The following RPTOR variants were observed in gnomAD, a reference collection of about 807,000 sequenced individuals.
RPTOR encodes regulatory associated protein of MTOR complex 1, also known as regulatory-associated protein of mTOR.
In RPTOR, 21 loss-of-function variants were observed where a neutral mutation model predicts 169.9. The observed-to-expected ratio is 0.12, with a 90% CI of 0.09 to 0.18. The LOEUF is 0.18. RPTOR is among the 10% of genes least tolerant of loss of function. The probability of loss-of-function intolerance (pLI) is 1.00; values close to 1 mark genes in which losing one functional copy is unlikely to be tolerated. For missense variants in RPTOR, 1,133 were observed against 1,855.9 expected (o/e 0.61, Z 7.16); for synonymous variants, 732 against 753.2 (o/e 0.97, Z 0.46).
chr17:80,731,555 T>C (rs969041456), intron 5 of RPTOR, among the ~76,000 whole-genome samples: 2 of 152,200 alleles, frequency 1.3e-5, no homozygotes, highest in African/African-American at 4.8e-5. Context: ...AATTAATATT[T>C]GATGTTTGAA....
chr17:80,676,084 C>T (rs1298626036), intron 3 of RPTOR, among the ~76,000 whole-genome samples: 2 of 152,110 alleles, frequency 1.3e-5, no homozygotes, highest in Non-Finnish European at 2.9e-5. Flanking sequence ...AATTATTATA[C>T]GCATTAGGTG....
chr17:80,750,447 C>T (rs2066619756), intron 5 of RPTOR, among the ~76,000 whole-genome samples: 2 of 152,184 alleles, frequency 1.3e-5, no homozygotes, highest in Non-Finnish European at 2.9e-5. Flanking sequence ...GGAGGTCTGC[C>T]TCAGATGCCT....
At chr17:80,819,755 CAGAA>C (rs1444495448) in intron 7 of RPTOR, among the ~76,000 whole-genome samples, 1 of 152,198 alleles carries the variant, frequency 6.6e-6, no homozygotes. Flanking sequence ...CTCTGCACAC[CAGAA>C]AGACCAGCTG....
intron 24 of RPTOR, among the ~76,000 whole-genome samples, chr17:80,929,990 TGGCTCATCCTC>T (rs575737792): frequency 0.013 from 2,035 of 151,912 alleles, 16 homozygotes; most frequent in South Asian, 0.026. Flanking sequence ...AGTTCATCCT[TGGCTCATCCTC>T]GGCTCATCCT....
At chr17:80,814,546 T>C (rs1239016177) in intron 7 of RPTOR, among the ~76,000 whole-genome samples, 2 of 152,246 alleles carry the variant, frequency 1.3e-5, no homozygotes, top group Non-Finnish European at 2.9e-5. Flanking sequence ...GAGTTTGTCC[T>C]ATTTCTTGGA....
chr17:80,595,162 A>C (rs925251050), intron 1 of RPTOR, among the ~76,000 whole-genome samples: 2 of 152,102 alleles, frequency 1.3e-5, no homozygotes, highest in Non-Finnish European at 2.9e-5. Flanking sequence ...TTCCTGTATT[A>C]ATTGATGGGT....
intron 2 of RPTOR, among the ~76,000 whole-genome samples, chr17:80,638,859 G>T (rs973898197): frequency 2.6e-5 from 4 of 152,166 alleles, no homozygotes; most frequent in South Asian, 2.1e-4. Flanking sequence ...ACGTAATTTT[G>T]TAGCTATGTG....
chr17:80,909,079 C>T, intron 21 of RPTOR, 150 bp downstream of exon 21: 2 of 670,080 alleles, frequency 3.0e-6, no homozygotes, highest in Non-Finnish European at 2.7e-6. Context: ...TGGAGATGTA[C>T]ACAGTACACC....
intron 1 of RPTOR, among the ~76,000 whole-genome samples, chr17:80,608,398 C>G (rs192340028): frequency 1.8e-3 from 267 of 152,304 alleles, no homozygotes; most frequent in Non-Finnish European, 3.0e-3. Context: ...TGTGGGCCAT[C>G]ATTGGAGTTG....
At chr17:80,923,442 C>T in intron 22 of RPTOR, 48 bp from the exon 23 acceptor site, 1 of 1,606,996 alleles carries the variant, frequency 6.2e-7, no homozygotes, top group Non-Finnish European at 8.5e-7. Context: ...CCTCTCGAAG[C>T]CCCAGACTCT....
Position 80,833,550 on chromosome 17 carries a change from C to T in RPTOR, c.1137-4372C>T, listed in dbSNP as rs80133400. Among the ~76,000 whole-genome samples, 496 of 152,342 alleles carry T rather than the reference C, an allele frequency of 3.3e-3. 4 individuals carry two copies. Among genetic ancestry groups the T allele is most frequent in the African/African-American group, 0.011 (475 of 41,580 alleles). On this transcript the variant is annotated intron_variant, in intron 9 of 33. Transcript: ENST00000306801. Reference sequence around the variant, plus strand: ...CCACCACCATGGCCTCTCGTGTGTACGTAGGACCCACTTTCCCACTTGTCT... The same window carrying T: ...CCACCACCATGGCCTCTCGTGTGTATGTAGGACCCACTTTCCCACTTGTCT...
intron 6 of RPTOR, among the ~76,000 whole-genome samples, chr17:80,756,971 G>T (rs2066686918): frequency 6.6e-6 from 1 of 152,182 alleles, no homozygotes; most frequent in South Asian, 2.1e-4. Context: ...TAGGTGCACT[G>T]TAATGTTTGA....
intron 11 of RPTOR, 31 bp downstream of exon 11, chr17:80,846,605 G>A (rs1471403743): frequency 4.4e-6 from 7 of 1,597,396 alleles, no homozygotes; most frequent in African/African-American, 2.7e-5. Context: ...CCAGACAGCC[G>A]AGGTTCCTCA....
intron 5 of RPTOR, among the ~76,000 whole-genome samples, chr17:80,733,762 C>A (rs2066411533): frequency 6.6e-6 from 1 of 152,208 alleles, no homozygotes; most frequent in African/African-American, 2.4e-5. Flanking sequence ...AGAGAAAATT[C>A]TAGATTGAAG....
intron 1 of RPTOR, among the ~76,000 whole-genome samples, chr17:80,603,436 C>T (rs1329932622): frequency 5.3e-5 from 8 of 152,040 alleles, no homozygotes; most frequent in African/African-American, 1.9e-4. Context: ...GCAAGAAGCT[C>T]GTGGGGGTTG....
chr17:80,644,036 C>T (rs916517936), intron 3 of RPTOR, among the ~76,000 whole-genome samples: 1 of 152,228 alleles, frequency 6.6e-6, no homozygotes, highest in Non-Finnish European at 1.5e-5. Flanking sequence ...ATTGGACAGT[C>T]CAACTTATTT....
intron 9 of RPTOR, among the ~76,000 whole-genome samples, chr17:80,832,349 G>A (rs941745598): frequency 4.6e-5 from 7 of 152,216 alleles, no homozygotes; most frequent in African/African-American, 1.4e-4. Context: ...CATTCCCGCA[G>A]GTGGGAAGGC....
At chr17:80,871,043 C>T (rs2068046270) in intron 13 of RPTOR, among the ~76,000 whole-genome samples, 1 of 152,144 alleles carries the variant, frequency 6.6e-6, no homozygotes, top group Non-Finnish European at 1.5e-5. Context: ...TTTTTGATGA[C>T]CTTGACAGCT....
chr17:80,959,939 T>A lies in RPTOR; in HGVS notation c.3478-139T>A, dbSNP rs1268966162. ...CCCAGGCCTTTGATGCTTCCCTGGA[T>A]AGAGAGAAAGGCCCCTGCAGCCAGG... is the stretch of plus-strand genomic sequence containing the variant. On this transcript the variant is annotated intron_variant, in intron 29 of 33. Coordinates refer to ENST00000306801, the MANE Select transcript of RPTOR (RefSeq NM_020761.3). The surrounding 1 kb of genome is among the most constrained non-coding windows in gnomAD (Gnocchi z 6.7). The A allele has an allele frequency of 5.0e-6, 5 of 995,620 alleles. No homozygotes were observed. The highest frequency in any genetic ancestry group is 7.4e-6 in the Non-Finnish European group (5 of 671,500). The allele number at this position is 995,620 out of a possible 1,614,324, so 61.7% of individuals were successfully genotyped here.
Sources: gnomAD v4.1 joint callset for allele counts (sites outside exome capture counted in the v4.1 genomes callset) on GRCh38, gnomAD v4.1.1 for gene constraint, Gnocchi (gnomAD v3.1) non-coding constraint, MANE v1.5 for transcripts, NCBI Gene and HGNC (gene_info 2026-07-23, HGNC 2026-07-21) for gene names.